Variants in NFYB observed in about 807,000 individuals in gnomAD.
NFYB encodes CAAT box DNA-binding protein subunit B.
Under a neutral mutation model 28.0 loss-of-function variants are expected in NFYB, and 13 were observed. The ratio of observed to expected loss-of-function variants is 0.46; its 90% confidence interval spans 0.30 to 0.74. The LOEUF is 0.74. Among genes scored for constraint, NFYB ranks in the 30% least tolerant of loss-of-function variants. The probability of loss-of-function intolerance (pLI) is 0.07; values close to 1 mark genes in which losing one functional copy is unlikely to be tolerated. For missense variants in NFYB, 142 were observed against 247.6 expected (o/e 0.57, Z 2.86); for synonymous variants, 74 against 75.0 (o/e 0.99, Z 0.07).
At position 104,119,745 on chromosome 12, in the gene NFYB, A is replaced by T; in HGVS notation, c.616T>A (p.Phe206Ile). Residue 206 changes from phenylalanine to isoleucine, a missense_variant, in exon 8 of 8, where the codon TTT (phenylalanine) becomes ATT (isoleucine). By Grantham distance (21) the Phe-to-Ile change is conservative. Coordinates refer to ENST00000240055, the MANE Select transcript of NFYB (RefSeq NM_006166.4). The stretch of plus-strand genomic sequence containing the variant: ...TCCATCATTTCTTCAGATCATGAAA[A>T]CTGAATTTGCTGAACACCAGAAATC... Reference protein sequence around the residue: ...QQISGVQQIQFS With the variant: ...QQISGVQQIQIS 1 of 1,603,704 alleles carries T rather than the reference A, an allele frequency of 6.2e-7. No homozygotes were observed. The highest frequency in any genetic ancestry group is 8.5e-7 in the Non-Finnish European group (1 of 1,171,592).
chr12:104,135,536 A>G lies in NFYB; in HGVS notation c.-79-4T>C. On this transcript the variant is annotated splice_region_variant and splice_polypyrimidine_tract_variant and intron_variant, in intron 1 of 7. Transcript: ENST00000240055. Reference sequence around the variant, plus strand: ...GTCTAATCTTTGTGATTTCAACCTAAAAGATAAACATCTATTAGGACCTAA... The same window carrying G: ...GTCTAATCTTTGTGATTTCAACCTAGAAGATAAACATCTATTAGGACCTAA... The G allele has an allele frequency of 7.9e-7, 1 of 1,271,422 alleles. No individual in the cohort carries two copies. The highest frequency in any genetic ancestry group is 2.5e-5 in the East Asian group (1 of 40,000). The allele number at this position is 1,271,422 out of a possible 1,614,324, so 78.8% of individuals were successfully genotyped here. A position where few individuals can be genotyped will look rare whatever the true frequency, so the allele number is the denominator to read the frequency against.
chr12:104,122,886 C>T (rs1394222809), intron 5 of NFYB, among the ~76,000 whole-genome samples: 2 of 152,050 alleles, frequency 1.3e-5, no homozygotes, highest in Non-Finnish European at 2.9e-5. Flanking sequence ...CTTAAAAGCA[C>T]AATGGGGGCC....
In NFYB at chr12:104,123,280, T is replaced by C; in HGVS notation, c.375A>G (p.Leu125=). The C allele has an allele frequency of 6.2e-7, 1 of 1,614,110 alleles. No individual in the cohort carries two copies. Residue 125 remains leucine, a synonymous_variant, in exon 5 of 8, where the codon TTA becomes TTG. Transcript: ENST00000240055. ...GAGGTTCCACATAACTGTCAAAGCC[T>C]AAAGTAGACATAGCAAAGAGAATAT... ...GEDILFAMST[L]GFDSYVEPLK...
intron 2 of NFYB, among the ~76,000 whole-genome samples, chr12:104,130,255 A>G (rs2030874447): frequency 6.6e-6 from 1 of 152,366 alleles, no homozygotes; most frequent in South Asian, 2.1e-4. Flanking sequence ...AGGACCCAGT[A>G]TAAACTTAAT....
intron 3 of NFYB, among the ~76,000 whole-genome samples, 164 bp from the exon 4 acceptor site, chr12:104,126,408 C>G (rs998462517): frequency 6.6e-6 from 1 of 152,086 alleles, no homozygotes; most frequent in Non-Finnish European, 1.5e-5. Context: ...AGAGCCAGAA[C>G]TGAACTTTTT....
chr12:104,127,378 C>G (rs1019580405), intron 3 of NFYB, among the ~76,000 whole-genome samples: 3 of 151,820 alleles, frequency 2.0e-5, no homozygotes, highest in Non-Finnish European at 2.9e-5. Context: ...TTGAGACCAG[C>G]CTGACCAACA....
intron 2 of NFYB, among the ~76,000 whole-genome samples, chr12:104,129,815 G>T (rs1221368890): frequency 6.6e-6 from 1 of 152,218 alleles, no homozygotes; most frequent in Non-Finnish European, 1.5e-5. Flanking sequence ...GAGCCTAGGA[G>T]GTTGAGGCTG....
At chr12:104,120,347 G>T (rs2030421920) in intron 7 of NFYB, 53 bp downstream of exon 7, 2 of 1,453,682 alleles carry the variant, frequency 1.4e-6, no homozygotes, top group Non-Finnish European at 9.6e-7. Flanking sequence ...GAGCCATGGG[G>T]CCCTGTCGAT....
chr12:104,121,866 A>C (rs966944253), intron 5 of NFYB, among the ~76,000 whole-genome samples: 2 of 152,232 alleles, frequency 1.3e-5, no homozygotes, highest in South Asian at 4.1e-4. Flanking sequence ...TCACTAATTT[A>C]ATGGGATTCA....
At chr12:104,132,100 G>A (rs2030946249) in intron 2 of NFYB, among the ~76,000 whole-genome samples, 1 of 152,218 alleles carries the variant, frequency 6.6e-6, no homozygotes, top group South Asian at 2.1e-4. Flanking sequence ...GTAATTGCTA[G>A]TGCCAAGTAC....
rs775407032 is a variant in NFYB at position 104,135,500 on chromosome 12, T to A, written c.-47A>T. On this transcript the variant is annotated 5_prime_UTR_variant, in exon 2 of 8. Coordinates refer to ENST00000240055, the MANE Select transcript of NFYB (RefSeq NM_006166.4). ...TGTCAGTGGTGCTGAAGAACACCTA[T>A]CTAAAAAGGTGTCTAATCTTTGTGA... 1.3e-5 allele frequency: 20 copies of A among 1,537,872 alleles called. No individual in the cohort carries two copies. Among genetic ancestry groups the A allele is most frequent in the Non-Finnish European group, 1.7e-5 (19 of 1,142,650 alleles).
chr12:104,123,957 C>T (rs758255350), intron 4 of NFYB, among the ~76,000 whole-genome samples: 6 of 151,662 alleles, frequency 4.0e-5, no homozygotes, highest in Admixed American at 6.6e-5. Flanking sequence ...AGCGAGACTC[C>T]GTCTCAAAAA....
intron 2 of NFYB, among the ~76,000 whole-genome samples, chr12:104,130,978 TTACATGA>T (rs1261447568): frequency 6.6e-6 from 1 of 152,130 alleles, no homozygotes. Context: ...GAATGAGTGT[TTACATGA>T]TACCATTAAG....
intron 7 of NFYB, 82 bp downstream of exon 7, chr12:104,120,318 G>C: frequency 1.7e-6 from 2 of 1,172,220 alleles, no homozygotes; most frequent in Non-Finnish European, 2.5e-6. Context: ...GCCTCCCAAG[G>C]TGCTGGGATT....
At chr12:104,131,662 T>C (rs2030926318) in intron 2 of NFYB, 10 of 444,400 alleles carry the variant, frequency 2.3e-5, no homozygotes, top group South Asian at 1.6e-4. Context: ...TTTTTCTAGG[T>C]CTAAAACATC....
intron 2 of NFYB, among the ~76,000 whole-genome samples, chr12:104,134,398 TAAG>T (rs915913096): frequency 1.3e-5 from 2 of 152,324 alleles, no homozygotes; most frequent in Non-Finnish European, 2.9e-5. Flanking sequence ...GTAATTCTAC[TAAG>T]AAGAATACCA....
chr12:104,120,850 T>C (rs1565822441), intron 6 of NFYB, among the ~76,000 whole-genome samples: 2 of 152,112 alleles, frequency 1.3e-5, no homozygotes, highest in Admixed American at 6.5e-5. Context: ...ATATATATAA[T>C]GAGAAATTTA....
chr12:104,137,575 C>T (rs1484900450), intron 1 of NFYB: 1 of 152,200 alleles, frequency 6.6e-6, no homozygotes, highest in Non-Finnish European at 1.5e-5. Context: ...CTGACTCGCC[C>T]GGCCGCCCCG....
At chr12:104,120,977 C>A (rs1053245351) in intron 6 of NFYB, among the ~76,000 whole-genome samples, 1 of 151,974 alleles carries the variant, frequency 6.6e-6, no homozygotes, top group Non-Finnish European at 1.5e-5. Context: ...CCTTAATATT[C>A]CTATCTCATA....
Sources: allele counts gnomAD v4.1 joint callset (sites outside exome capture counted in the v4.1 genomes callset), GRCh38; gene constraint gnomAD v4.1.1; transcripts MANE v1.5; gene names NCBI Gene and HGNC (gene_info 2026-07-23, HGNC 2026-07-21).